The following GABBR2 variants were observed in gnomAD, a reference collection of about 807,000 sequenced individuals.
GABBR2 encodes the protein gamma-aminobutyric acid type B receptor subunit 2.
Under a neutral mutation model 105.6 loss-of-function variants are expected in GABBR2, and 23 were observed. The ratio of observed to expected loss-of-function variants is 0.22; its 90% CI spans 0.16 to 0.31. The LOEUF is 0.31. Ranked by LOEUF, GABBR2 falls within the 10% of genes least tolerant of loss-of-function variation. GABBR2 has a pLI of 1.00. For missense variants in GABBR2, 734 were observed against 1,245.5 expected (o/e 0.59, Z 6.18); for synonymous variants, 478 against 499.7 (o/e 0.96, Z 0.58).
intron 1 of GABBR2, among the ~76,000 whole-genome samples, chr9:98,648,792 C>T (rs1015787323): frequency 1.1e-4 from 17 of 152,188 alleles, no homozygotes; most frequent in African/African-American, 4.1e-4. Context: ...TAGCAAGACC[C>T]CTTCCCCAGA....
intron 1 of GABBR2, among the ~76,000 whole-genome samples, chr9:98,621,254 G>C (rs565400573): frequency 2.0e-5 from 3 of 152,284 alleles, no homozygotes; most frequent in African/African-American, 7.2e-5. Context: ...GGTTACAGCT[G>C]GTTACAGAAG....
At chr9:98,672,423 T>C (rs988329072) in intron 1 of GABBR2, among the ~76,000 whole-genome samples, 4 of 152,264 alleles carry the variant, frequency 2.6e-5, no homozygotes, top group African/African-American at 9.6e-5. Flanking sequence ...TATTTTTTAC[T>C]GACCAGCAAA....
intron 3 of GABBR2, among the ~76,000 whole-genome samples, chr9:98,507,308 C>T (rs1399918973): frequency 6.6e-6 from 1 of 152,036 alleles, no homozygotes; most frequent in African/African-American, 2.4e-5. Context: ...AACATGATCC[C>T]AAGGGTCTTT....
In GABBR2 at chr9:98,454,265, A is replaced by C; in HGVS notation, c.1000-48T>G. On this transcript the variant is annotated intron_variant, in intron 6 of 18. Transcript: ENST00000259455. The surrounding 1 kb of genome is among the most constrained non-coding windows in gnomAD (Gnocchi z 4.6). ...GAATCCCAAGTTATACTCGGCAGGG[A>C]CATCAGGTGCCTGATGCCGAGAAGA... is the stretch of plus-strand genomic sequence containing the variant. 7.7e-7 allele frequency: 1 copy of C among 1,295,978 alleles called. No individual in the cohort carries two copies. Among genetic ancestry groups the C allele is most frequent in the African/African-American group, 1.4e-5 (1 of 68,988 alleles). The allele number at this position is 1,295,978 out of a possible 1,614,324, so 80.3% of individuals were successfully genotyped here.
chr9:98,500,267 G>T (rs1827372488), intron 3 of GABBR2, among the ~76,000 whole-genome samples: 1 of 152,230 alleles, frequency 6.6e-6, no homozygotes, highest in Admixed American at 6.5e-5. Flanking sequence ...AATGGCAGGG[G>T]GTGCCCCTGG....
At chr9:98,483,509 A>G (rs969494278) in intron 4 of GABBR2, among the ~76,000 whole-genome samples, 1 of 152,228 alleles carries the variant, frequency 6.6e-6, no homozygotes, top group Non-Finnish European at 1.5e-5. Flanking sequence ...TGTGCTAAAG[A>G]TAGAGATGGT....
intron 1 of GABBR2, among the ~76,000 whole-genome samples, chr9:98,616,482 G>A (rs1320720265): frequency 2.0e-5 from 3 of 152,182 alleles, no homozygotes; most frequent in Admixed American, 6.5e-5. Flanking sequence ...GGCCGGATGC[G>A]GTGCCTCACG....
chr9:98,362,904 C>T, intron 12 of GABBR2, 67 bp from the exon 13 acceptor site: 1 of 1,397,066 alleles, frequency 7.2e-7, no homozygotes, highest in Non-Finnish European at 9.5e-7. Flanking sequence ...CAACTGGGGG[C>T]CCAGGTCATA....
chr9:98,369,114 TG>T (rs1241968104), intron 12 of GABBR2, among the ~76,000 whole-genome samples: 3 of 152,232 alleles, frequency 2.0e-5, no homozygotes, highest in African/African-American at 7.2e-5. Context: ...AAAGGTCCTC[TG>T]GGATTGCAGT....
At chr9:98,569,409 A>AT (rs1828795501) in intron 2 of GABBR2, among the ~76,000 whole-genome samples, 1 of 151,710 alleles carries the variant, frequency 6.6e-6, no homozygotes, top group Non-Finnish European at 1.5e-5. Context: ...AAAGTAAAAA[A>AT]CCCTGTTGTC....
At chr9:98,432,200 G>C (rs1201960063) in intron 7 of GABBR2, among the ~76,000 whole-genome samples, 1 of 152,196 alleles carries the variant, frequency 6.6e-6, no homozygotes, top group Non-Finnish European at 1.5e-5. Flanking sequence ...CCGGCTCAAG[G>C]AAGGTTTTTA....
chr9:98,342,177 C>T (rs1831225283), intron 13 of GABBR2, among the ~76,000 whole-genome samples: 3 of 151,806 alleles, frequency 2.0e-5, no homozygotes, highest in South Asian at 2.1e-4. Flanking sequence ...GGTCCACAGG[C>T]CCCTGGAGGA....
At chr9:98,526,386 A>G (rs1176368576) in intron 3 of GABBR2, among the ~76,000 whole-genome samples, 1 of 151,948 alleles carries the variant, frequency 6.6e-6, no homozygotes, top group Non-Finnish European at 1.5e-5. Flanking sequence ...ACCTTTGTGC[A>G]TCTGTTCTCT....
chr9:98,388,610 G>C lies in GABBR2; in HGVS notation c.1529+244C>G, dbSNP rs1832118211. Among the ~76,000 whole-genome samples the C allele has an allele frequency of 6.9e-6, 1 of 145,940 alleles. No individual in the cohort carries two copies. On this transcript the variant is annotated intron_variant, in intron 10 of 18. Transcript: ENST00000259455. The surrounding 1 kb of genome is among the most constrained non-coding windows in gnomAD (Gnocchi z 4.4). The stretch of plus-strand genomic sequence containing the variant: ...TGACTAAACTCCTGTGCAACCAGCA[G>C]CCTGGCCTCTGTGTGTGTGTGTGTG...
chr9:98,663,994 C>G (rs1830302003), intron 1 of GABBR2, among the ~76,000 whole-genome samples: 1 of 152,162 alleles, frequency 6.6e-6, no homozygotes, highest in South Asian at 2.1e-4. Context: ...GAAAAGGCAT[C>G]CCGGCCCAGG....
intron 2 of GABBR2, among the ~76,000 whole-genome samples, chr9:98,553,415 G>A (rs1246250666): frequency 3.3e-5 from 5 of 151,940 alleles, no homozygotes; most frequent in Non-Finnish European, 5.9e-5. Context: ...GCAACATGGC[G>A]AAACCCCATC....
chr9:98,555,657 C>T (rs1296527978), intron 2 of GABBR2: 2 of 152,232 alleles, frequency 1.3e-5, no homozygotes, highest in Non-Finnish European at 2.9e-5. Flanking sequence ...AATTACCTCA[C>T]TGCAGAAATC....
At chr9:98,350,138 T>C (rs143622561) in intron 13 of GABBR2, among the ~76,000 whole-genome samples, 10 of 151,568 alleles carry the variant, frequency 6.6e-5, no homozygotes, top group African/African-American at 2.2e-4. Context: ...CTTTTTTTTC[T>C]TGTTTAGTCT....
At chr9:98,626,076 G>T (rs919250698) in intron 1 of GABBR2, among the ~76,000 whole-genome samples, 6 of 152,230 alleles carry the variant, frequency 3.9e-5, no homozygotes, top group Non-Finnish European at 1.5e-5. Flanking sequence ...GCAGCCGTGG[G>T]ACCCACCTGG....
Sources: gnomAD v4.1 joint callset for allele counts (sites outside exome capture counted in the v4.1 genomes callset) on GRCh38, gnomAD v4.1.1 for gene constraint, Gnocchi (gnomAD v3.1) non-coding constraint, MANE v1.5 for transcripts, NCBI Gene and HGNC (gene_info 2026-07-23, HGNC 2026-07-21) for gene names.